The following ARHGEF1 variants were observed in gnomAD, a reference collection of about 807,000 sequenced individuals.
The protein encoded by ARHGEF1 is 115 kDa guanine nucleotide exchange factor.
ARHGEF1 carries 40 observed loss-of-function variants against 119.7 expected under a neutral mutation model. The observed-to-expected ratio is 0.33, with a 90% CI of 0.26 to 0.44. The LOEUF (loss-of-function observed/expected upper bound fraction) is 0.44. Among genes scored for constraint, ARHGEF1 ranks in the 20% least tolerant of loss-of-function variants. The probability of loss-of-function intolerance (pLI) is 1.00; values close to 1 mark genes in which losing one functional copy is unlikely to be tolerated. For synonymous variants in ARHGEF1, 494 were observed against 521.0 expected (o/e 0.95, Z 0.71); for missense variants, 976 against 1,268.3 (o/e 0.77, Z 3.50).
Position 41,906,359 on chromosome 19 carries a change from C to T in ARHGEF1, c.2492-98C>T, listed in dbSNP as rs2074695360. 6 of 1,270,512 alleles carry T rather than the reference C, an allele frequency of 4.7e-6. No individual in the cohort carries two copies. The highest frequency in any genetic ancestry group is 5.0e-5 in the East Asian group (2 of 40,246). 78.7% of individuals were successfully genotyped at this position (1,270,512 alleles called of 1,614,324 possible). On this transcript the variant is annotated intron_variant, in intron 26 of 28. Transcript: ENST00000354532. The surrounding 1 kb of genome is among the most constrained non-coding windows in gnomAD (Gnocchi z 4.5). ...CTCAGCCTTGCCTGGCACCCACCTTCACCTCCAGCCCCTACACATCCCCTT... is the reference window on the plus strand; with the variant it reads ...CTCAGCCTTGCCTGGCACCCACCTTTACCTCCAGCCCCTACACATCCCCTT...
At chr19:41,884,237 G>C (rs1455483144) in intron 1 of ARHGEF1, 1 of 615,988 alleles carries the variant, frequency 1.6e-6, no homozygotes, top group Non-Finnish European at 2.8e-6. Flanking sequence ...GGCCCTCCAA[G>C]ACAGGCCAGA....
rs1192757942 is a variant in ARHGEF1 at position 41,905,661 on chromosome 19, C to T, written c.2337-99C>T. On this transcript the variant is annotated intron_variant, in intron 24 of 28. Coordinates refer to ENST00000354532, the MANE Select transcript of ARHGEF1 (RefSeq NM_004706.4). The surrounding 1 kb of genome is among the most constrained non-coding windows in gnomAD (Gnocchi z 6.4). ...CGGCCTCGACCTCTGTCTCTGTCTC[C>T]GGACCTCCCTGCCTCCCCACCTCCA... The T allele has an allele frequency of 6.9e-5, 89 of 1,289,290 alleles. No homozygotes were observed. The highest frequency in any genetic ancestry group is 2.5e-4 in the South Asian group (20 of 79,448). 79.9% of individuals were successfully genotyped at this position (1,289,290 alleles called of 1,614,324 possible).
At chr19:41,895,245 C>T in intron 11 of ARHGEF1, 104 bp from the exon 12 acceptor site, 1 of 1,430,636 alleles carries the variant, frequency 7.0e-7, no homozygotes, top group Non-Finnish European at 9.4e-7. Flanking sequence ...GGCTCCTTGT[C>T]ATGGTGGGGA....
intron 8 of ARHGEF1, 110 bp from the exon 9 acceptor site, chr19:41,894,097 C>G: frequency 1.4e-6 from 1 of 716,634 alleles, no homozygotes; most frequent in Non-Finnish European, 2.0e-6. Flanking sequence ...AAGGCCGGGC[C>G]TCTGCCTCTA....
chr19:41,914,895 T>C (rs111067341), intron 18 of ARHGEF1, among the ~76,000 whole-genome samples: 6,352 of 14,878 alleles, frequency 0.43, 2,044 homozygotes, highest in African/African-American at 0.72. Context: ...CCATCATCTC[T>C]GTCTCTGTCT....
At chr19:41,911,566 C>T (rs1447756060), downstream of ARHGEF1, among the ~76,000 whole-genome samples, 3 of 151,704 alleles carry the variant, frequency 2.0e-5, no homozygotes, top group South Asian at 2.1e-4. Flanking sequence ...TTGTGCCTCC[C>T]GGCCTGAAGG....
At chr19:41,907,613 T>C, downstream of ARHGEF1, 1 of 568,042 alleles carries the variant, frequency 1.8e-6, no homozygotes, top group Non-Finnish European at 3.1e-6. Flanking sequence ...CCCCAGGCAC[T>C]CCGTACACAC....
chr19:41,894,098 T>C, intron 8 of ARHGEF1, 109 bp from the exon 9 acceptor site: 1 of 734,388 alleles, frequency 1.4e-6, no homozygotes, highest in Non-Finnish European at 2.0e-6. Context: ...AGGCCGGGCC[T>C]CTGCCTCTAG....
Position 41,902,982 on chromosome 19 carries a change from C to A in ARHGEF1, c.1738+84C>A. 2 of 1,129,836 alleles carry A rather than the reference C, an allele frequency of 1.8e-6. No individual in the cohort carries two copies. Among genetic ancestry groups the A allele is most frequent in the Non-Finnish European group, 2.5e-6 (2 of 809,572 alleles). 70.0% of individuals were successfully genotyped at this position (1,129,836 alleles called of 1,614,324 possible). On this transcript the variant is annotated intron_variant, in intron 18 of 28. Transcript: ENST00000354532. This position sits in a 1 kb window ranked among gnomAD's most constrained non-coding sequence, Gnocchi z 6.5. ...TCTCACTCATTTTCATCAGTGATAC[C>A]ATCACAGCTCACTGCAGCCTCAACC...
intron 1 of ARHGEF1, among the ~76,000 whole-genome samples, chr19:41,924,118 GGGTGAGAAA>G (rs1555853041): frequency 6.6e-6 from 1 of 151,664 alleles, no homozygotes; most frequent in East Asian, 1.9e-4. Context: ...AGTCAATGAA[GGGTGAGAAA>G]GTGAGCCTGG....
Position 41,904,282 on chromosome 19 carries a change from T to C in ARHGEF1, c.2060T>C (p.Leu687Pro). 6.2e-7 allele frequency: 1 copy of C among 1,612,540 alleles called. No individual in the cohort carries two copies. The highest frequency in any genetic ancestry group is 8.5e-7 in the Non-Finnish European group (1 of 1,179,752). ...LLQRQDERLL[L>P]KSHSRTLTPT... is the part of the protein sequence containing the mutation. ...CAGCGCCAGGACGAGCGGCTGCTGC[T>C]CAAGTCCCATAGCCGGACACTGACG... The change falls in exon 22 of 29, where the codon CTC becomes CCC. Residue 687 changes from leucine (L) to proline (P), a missense_variant. Transcript: ENST00000354532. This position sits in a 1 kb window ranked among gnomAD's most constrained non-coding sequence, Gnocchi z 8.4.
chr19:41,883,664 G>T lies in ARHGEF1; in HGVS notation c.-20+375G>T, dbSNP rs2074253510. On this transcript the variant is annotated intron_variant, in intron 1 of 28. Transcript: ENST00000354532. The surrounding 1 kb of genome is among the most constrained non-coding windows in gnomAD (Gnocchi z 7.6). ...AAGTGTGGAGTTGGGATTTGAACTC[G>T]CACGTGCTTTCCGCAAAGCGCCATC... Among the ~76,000 whole-genome samples, 1 of 152,152 alleles carries T rather than the reference G, an allele frequency of 6.6e-6. No individual in the cohort carries two copies. Among genetic ancestry groups the T allele is most frequent in the Admixed American group, 6.5e-5 (1 of 15,276 alleles).
At chr19:41,896,683 T>G (rs1488773316) in intron 13 of ARHGEF1, 4 of 697,524 alleles carry the variant, frequency 5.7e-6, no homozygotes, top group Non-Finnish European at 1.0e-5. Flanking sequence ...TGCCCCCCTT[T>G]CCTTTTATCC....
rs1005721957 is a variant in ARHGEF1, at chr19:41,902,158, G to A, written c.1415-116G>A. 1.9e-5 allele frequency: 29 copies of A among 1,553,942 alleles called. No homozygotes were observed. The highest frequency in any genetic ancestry group is 1.7e-4 in the Middle Eastern group (1 of 5,728). Reference sequence around the variant, plus strand: ...TGGGGTGGGGGCAGATACGCCATCCGGTCCCGAGGATCAGACACAGACACA... The same window carrying A: ...TGGGGTGGGGGCAGATACGCCATCCAGTCCCGAGGATCAGACACAGACACA... On this transcript the variant is annotated intron_variant, in intron 15 of 28. Coordinates refer to ENST00000354532, the MANE Select transcript of ARHGEF1 (RefSeq NM_004706.4). This position sits in a 1 kb window ranked among gnomAD's most constrained non-coding sequence, Gnocchi z 6.5.
rs1054552229 is a variant in ARHGEF1, at chr19:41,885,648, G to A, written c.-20+2359G>A. Among the ~76,000 whole-genome samples the A allele has an allele frequency of 1.6e-4, 24 of 152,268 alleles. No homozygotes were observed. The East Asian group carries it at 3.7e-3, about 23-fold the overall frequency. Reference sequence around the variant, plus strand: ...AGCTAATTTTGGTATTTTTAGTAGAGACAGGGTTTCACTATGTTGGCCAGG... The same window carrying A: ...AGCTAATTTTGGTATTTTTAGTAGAAACAGGGTTTCACTATGTTGGCCAGG... On this transcript the variant is annotated intron_variant, in intron 1 of 28. Coordinates refer to ENST00000354532, the MANE Select transcript of ARHGEF1 (RefSeq NM_004706.4).
Position 41,903,851 on chromosome 19 carries a change from C to G in ARHGEF1, c.1917+67C>G, listed in dbSNP as rs2074645709. The G allele has an allele frequency of 1.3e-6, 2 of 1,530,258 alleles. No individual in the cohort carries two copies. The highest frequency in any genetic ancestry group is 1.8e-6 in the Non-Finnish European group (2 of 1,107,268). The allele number at this position is 1,530,258 out of a possible 1,614,324, so 94.8% of individuals were successfully genotyped here. A position where few individuals can be genotyped will look rare whatever the true frequency, so the allele number is the denominator to read the frequency against. ...TGGCCCAGGGGATTCTGTGATACAGCCCCCAGCCTGTCCTGCCCATCCCAT... is the reference window on the plus strand; with the variant it reads ...TGGCCCAGGGGATTCTGTGATACAGGCCCCAGCCTGTCCTGCCCATCCCAT... On this transcript the variant is annotated intron_variant, in intron 20 of 28. Coordinates refer to ENST00000354532, the MANE Select transcript of ARHGEF1 (RefSeq NM_004706.4). This position sits in a 1 kb window ranked among gnomAD's most constrained non-coding sequence, Gnocchi z 4.2.
At position 41,916,967 on chromosome 19, in the gene ARHGEF1, C is replaced by T. The variant is rs1465971559; in HGVS notation, c.1866-6125C>T. 6.6e-6 allele frequency among the ~76,000 whole-genome samples: 1 copy of T among 152,160 alleles called. No homozygotes were observed. Among genetic ancestry groups the T allele is most frequent in the Non-Finnish European group, 1.5e-5 (1 of 68,024 alleles). ...GCTCCCACCATCCCCATCTGTCTGC[C>T]TGTCCCTCCATCTGTGAACTTCCCA... On this transcript the variant is annotated intron_variant, in intron 18 of 20. Coordinates refer to the ARHGEF1 transcript ENST00000599589. This position sits in a 1 kb window ranked among gnomAD's most constrained non-coding sequence, Gnocchi z 5.4.
chr19:41,923,926 G>T (rs1555853024), intron 1 of ARHGEF1, among the ~76,000 whole-genome samples: 1 of 69,996 alleles, frequency 1.4e-5, no homozygotes, highest in Admixed American at 1.3e-4. Flanking sequence ...GGGTGTGTGT[G>T]GGGAGGTAGG....
intron 14 of ARHGEF1, among the ~76,000 whole-genome samples, chr19:41,901,544 G>A (rs1333412282): frequency 6.6e-6 from 1 of 151,746 alleles, no homozygotes; most frequent in Admixed American, 6.6e-5. Context: ...TGGGCTCAAG[G>A]GATCCTCCCA....
Sources: allele counts gnomAD v4.1 joint callset (sites outside exome capture counted in the v4.1 genomes callset), GRCh38; gene constraint gnomAD v4.1.1; non-coding constraint Gnocchi (gnomAD v3.1); transcripts MANE v1.5; gene names NCBI Gene and HGNC (gene_info 2026-07-23, HGNC 2026-07-21).